Variants in DGKI observed in about 807,000 individuals in gnomAD.
DGKI encodes the protein DAG kinase iota.
A neutral mutation model predicts 147.5 loss-of-function variants in DGKI; 55 were observed. The observed-to-expected ratio is 0.37, with a 90% CI of 0.30 to 0.47. The LOEUF (loss-of-function observed/expected upper bound fraction) is 0.47. DGKI is among the 20% of genes least tolerant of loss of function. The pLI is 1.00. For missense variants in DGKI, 1,007 were observed against 1,323.8 expected, an observed-to-expected ratio of 0.76 and a Z score of 3.71; for synonymous variants, 469 against 477.1, an observed-to-expected ratio of 0.98 and a Z score of 0.22.
chr7:137,727,366 G>C (rs983771006), intron 1 of DGKI, among the ~76,000 whole-genome samples: 5 of 152,018 alleles, frequency 3.3e-5, no homozygotes, highest in African/African-American at 4.8e-5. Flanking sequence ...AAAAGAAAAA[G>C]ATTTTTGAGC....
intron 1 of DGKI, among the ~76,000 whole-genome samples, chr7:137,766,436 C>A (rs1223620161): frequency 2.6e-5 from 4 of 152,138 alleles, no homozygotes; most frequent in African/African-American, 4.8e-5. Context: ...TAAATGTTAA[C>A]AGTCTTCTGG....
chr7:137,661,180 G>T (rs181924981), intron 3 of DGKI, among the ~76,000 whole-genome samples: 2 of 152,032 alleles, frequency 1.3e-5, no homozygotes, highest in African/African-American at 2.4e-5. Flanking sequence ...TGCCCACCTC[G>T]ACAGGTGGAA....
At chr7:137,822,902 G>A (rs934209009) in intron 1 of DGKI, among the ~76,000 whole-genome samples, 20 of 151,734 alleles carry the variant, frequency 1.3e-4, no homozygotes, top group Admixed American at 9.2e-4. Context: ...GCAAACAAAT[G>A]AGGAAATCTC....
intron 28 of DGKI, among the ~76,000 whole-genome samples, chr7:137,437,048 T>C (rs1346054074): frequency 6.6e-6 from 1 of 152,184 alleles, no homozygotes; most frequent in African/African-American, 2.4e-5. Context: ...AGTGAACTTC[T>C]TACTTAATTG....
intron 6 of DGKI, among the ~76,000 whole-genome samples, chr7:137,642,071 T>G (rs1035840428): frequency 5.3e-5 from 8 of 152,174 alleles, no homozygotes; most frequent in Non-Finnish European, 2.9e-5. Flanking sequence ...GCATTCTGCC[T>G]CCAACCATTG....
chr7:137,778,001 A>G (rs1796409902), intron 1 of DGKI, among the ~76,000 whole-genome samples: 1 of 152,234 alleles, frequency 6.6e-6, no homozygotes. Flanking sequence ...ATTGGCAATC[A>G]CAGGTAAGAC....
Position 137,492,724 on chromosome 7 carries a change from T to C in DGKI, c.2249-5035A>G, listed in dbSNP as rs535958771. 3.3e-5 allele frequency among the ~76,000 whole-genome samples: 5 copies of C among 152,250 alleles called. No individual in the cohort carries two copies. The South Asian group carries it at 1.0e-3, about 32-fold the overall frequency. ...GGATACCCATCCCCAAGGCGTCCCATGCTCCCCTAGGAAACTTTAGCCTTA... is the reference window on the plus strand; with the variant it reads ...GGATACCCATCCCCAAGGCGTCCCACGCTCCCCTAGGAAACTTTAGCCTTA... On this transcript the variant is annotated intron_variant, in intron 21 of 32. Transcript: ENST00000614521.
intron 26 of DGKI, 67 bp from the exon 27 acceptor site, chr7:137,463,678 T>C (rs1814541266): frequency 6.3e-7 from 1 of 1,575,862 alleles, no homozygotes; most frequent in South Asian, 1.1e-5. Flanking sequence ...GTTTCCACTT[T>C]CTGAAGATGA....
intron 1 of DGKI, chr7:137,722,992 C>A (rs1335896726): frequency 1.6e-5 from 9 of 557,624 alleles, no homozygotes; most frequent in Admixed American, 3.4e-5. Flanking sequence ...GAATCTACTT[C>A]TCTGTGCCTT....
At chr7:137,763,164 C>G (rs1193503899) in intron 1 of DGKI, among the ~76,000 whole-genome samples, 1 of 152,198 alleles carries the variant, frequency 6.6e-6, no homozygotes, top group African/African-American at 2.4e-5. Flanking sequence ...GGACTGGACA[C>G]TTTTATATTT....
intron 8 of DGKI, 116 bp downstream of exon 8, chr7:137,619,708 G>A: frequency 1.3e-6 from 1 of 752,898 alleles, no homozygotes; most frequent in East Asian, 2.5e-5. Context: ...ACAGGGCCTT[G>A]GGGATGAGTG....
chr7:137,576,783 TC>T (rs1818995489), intron 17 of DGKI, among the ~76,000 whole-genome samples: 1 of 152,164 alleles, frequency 6.6e-6, no homozygotes, highest in Non-Finnish European at 1.5e-5. Context: ...ATAAATATCC[TC>T]CTCAGATTAT....
At position 137,707,083 on chromosome 7, in the gene DGKI, C is replaced by T. The variant is rs578162663; in HGVS notation, c.402-17081G>A. On this transcript the variant is annotated intron_variant, in intron 1 of 32. Coordinates refer to ENST00000614521, the MANE Select transcript of DGKI (RefSeq NM_001321708.2). ...TCCCCTAACAGTCTCATTTGATTTC[C>T]GCTGGTCAATCTTGTTCATTTTGAT... 3.3e-5 allele frequency among the ~76,000 whole-genome samples: 5 copies of T among 152,150 alleles called. 1 individual carries two copies. The South Asian group carries it at 8.3e-4, about 25-fold the overall frequency.
intron 11 of DGKI, 145 bp downstream of exon 11, chr7:137,599,678 T>C: frequency 1.6e-6 from 1 of 642,242 alleles, no homozygotes; most frequent in South Asian, 2.4e-5. Context: ...GAACTTTGGA[T>C]GAAGTTTTAA....
intron 1 of DGKI, among the ~76,000 whole-genome samples, chr7:137,844,890 T>A (rs1798664019): frequency 6.6e-6 from 1 of 152,142 alleles, no homozygotes; most frequent in South Asian, 2.1e-4. Flanking sequence ...CTTCATGTAA[T>A]CACCACCCCC....
intron 20 of DGKI, among the ~76,000 whole-genome samples, chr7:137,540,035 A>T (rs915881300): frequency 3.3e-5 from 5 of 152,178 alleles, no homozygotes; most frequent in African/African-American, 1.2e-4. Context: ...GACAACTAAA[A>T]CTCATTCACG....
intron 6 of DGKI, among the ~76,000 whole-genome samples, chr7:137,638,773 C>T (rs1821513670): frequency 6.7e-6 from 1 of 149,338 alleles, no homozygotes; most frequent in Admixed American, 6.7e-5. Context: ...ATATTTTATA[C>T]AGAGATATTT....
At chr7:137,481,414 G>A (rs185994952) in intron 23 of DGKI, among the ~76,000 whole-genome samples, 2 of 152,206 alleles carry the variant, frequency 1.3e-5, no homozygotes, top group Admixed American at 1.3e-4. Flanking sequence ...GTTAATTCTT[G>A]TTCATTTGGC....
chr7:137,715,519 G>A (rs575968195), intron 1 of DGKI, among the ~76,000 whole-genome samples: 30 of 152,262 alleles, frequency 2.0e-4, no homozygotes, highest in Middle Eastern at 3.4e-3. Context: ...GTCCAGAAAC[G>A]TTGTTCCTTT....
Sources: allele counts gnomAD v4.1 joint callset (sites outside exome capture counted in the v4.1 genomes callset), GRCh38; gene constraint gnomAD v4.1.1; transcripts MANE v1.5; gene names NCBI Gene and HGNC (gene_info 2026-07-23, HGNC 2026-07-21).